The following EYS variants were observed in gnomAD, a reference collection of about 807,000 sequenced individuals.
EYS encodes protein eyes shut homolog.
Under a neutral mutation model 282.1 loss-of-function variants are expected in EYS, and 250 were observed. The observed-to-expected ratio is 0.89, with a 90% confidence interval of 0.80 to 0.98. EYS has a LOEUF of 0.98. EYS is among the 50% of genes least tolerant of loss of function. EYS has a pLI of 0.00. For synonymous variants in EYS, 1,355 were observed against 1,282.9 expected, an observed-to-expected ratio of 1.06 and a Z score of -1.20; for missense variants, 4,016 against 3,709.0, an observed-to-expected ratio of 1.08 and a Z score of -2.15.
intron 35 of EYS, among the ~76,000 whole-genome samples, chr6:63,983,180 T>G (rs779654135): frequency 1.2e-4 from 18 of 151,926 alleles, no homozygotes; most frequent in African/African-American, 1.9e-4. Context: ...ATTGTACTTA[T>G]GTTGAATAGG....
intron 2 of EYS, among the ~76,000 whole-genome samples, chr6:65,630,366 A>T (rs1766868059): frequency 6.6e-6 from 1 of 152,232 alleles, no homozygotes; most frequent in African/African-American, 2.4e-5. Context: ...CCGCCTGGGG[A>T]AACAGGAGAA....
In EYS at chr6:65,296,565, G is replaced by T. The variant is rs191795052; in HGVS notation, c.1767-446C>A. Among the ~76,000 whole-genome samples the T allele has an allele frequency of 3.3e-5, 5 of 151,690 alleles. No homozygotes were observed. The East Asian group carries it at 7.7e-4, about 23-fold the overall frequency. ...ATATATATAAGATTATTCAAACTCA[G>T]TTTGTCACTCAATGCAATTATTTAA... On this transcript the variant is annotated intron_variant, in intron 11 of 42. Transcript: ENST00000503581.
At chr6:65,685,976 C>T (rs529004883) in intron 1 of EYS, among the ~76,000 whole-genome samples, 27 of 152,112 alleles carry the variant, frequency 1.8e-4, no homozygotes, top group East Asian at 5.8e-4. Context: ...GACTGAAAAA[C>T]TTATTCCCCC....
chr6:64,847,451 T>C (rs1442314781), intron 19 of EYS, among the ~76,000 whole-genome samples: 2 of 152,106 alleles, frequency 1.3e-5, no homozygotes, highest in Non-Finnish European at 2.9e-5. Context: ...TAGTTAATAA[T>C]AATTATTTTA....
At chr6:64,343,150 G>T (rs1014725161) in intron 29 of EYS, among the ~76,000 whole-genome samples, 1 of 152,052 alleles carries the variant, frequency 6.6e-6, no homozygotes, top group Non-Finnish European at 1.5e-5. Flanking sequence ...AGATAAATGA[G>T]ACAGAAAGTT....
intron 41 of EYS, among the ~76,000 whole-genome samples, chr6:63,729,007 C>T (rs1226987268): frequency 1.3e-5 from 2 of 151,934 alleles, no homozygotes; most frequent in East Asian, 1.9e-4. Context: ...GATAAGTGTT[C>T]GGGTTTTAGC....
chr6:65,668,166 T>C (rs1768263910), intron 1 of EYS, among the ~76,000 whole-genome samples: 1 of 152,008 alleles, frequency 6.6e-6, no homozygotes, highest in South Asian at 2.1e-4. Context: ...TCTAATTAGG[T>C]GTTGTCTTTA....
intron 31 of EYS, among the ~76,000 whole-genome samples, chr6:64,183,388 A>T (rs1764845119): frequency 6.6e-6 from 1 of 152,184 alleles, no homozygotes; most frequent in African/African-American, 2.4e-5. Flanking sequence ...CAAGTAGTAG[A>T]GTGAACATTC....
At chr6:63,730,624 C>G (rs944936473) in intron 41 of EYS, among the ~76,000 whole-genome samples, 1 of 152,228 alleles carries the variant, frequency 6.6e-6, no homozygotes, top group African/African-American at 2.4e-5. Flanking sequence ...TTCAGATGCA[C>G]TGGCTTTTAC....
chr6:65,227,069 A>C (rs1054823458), intron 12 of EYS, among the ~76,000 whole-genome samples: 27 of 151,892 alleles, frequency 1.8e-4, no homozygotes, highest in Non-Finnish European at 3.2e-4. Context: ...TCCCATCTCT[A>C]CTAAATATAC....
At chr6:64,649,344 C>CT (rs11388058) in intron 22 of EYS, among the ~76,000 whole-genome samples, 90,967 of 149,100 alleles carry the variant, frequency 0.61, 27,714 homozygotes, top group South Asian at 0.69. Flanking sequence ...CTATAACTGC[C>CT]TTTTTTTTTT....
intron 30 of EYS, among the ~76,000 whole-genome samples, chr6:64,292,612 T>C (rs956238937): frequency 9.2e-5 from 14 of 152,110 alleles, no homozygotes; most frequent in African/African-American, 3.4e-4. Flanking sequence ...TATATATTTA[T>C]ATTTACATCT....
chr6:65,544,029 TGAGAGA>T (rs796845502), intron 2 of EYS, among the ~76,000 whole-genome samples: 5 of 131,940 alleles, frequency 3.8e-5, no homozygotes, highest in African/African-American at 1.5e-4. Context: ...TGTGTGTGTG[TGAGAGA>T]GAGAGAGACA....
At chr6:63,772,397 T>G (rs1769953548) in intron 40 of EYS, among the ~76,000 whole-genome samples, 1 of 152,174 alleles carries the variant, frequency 6.6e-6, no homozygotes, top group African/African-American at 2.4e-5. Context: ...CTGAAAATTC[T>G]AGTTCCTAAT....
chr6:64,768,485 T>C (rs1015918556), intron 22 of EYS, among the ~76,000 whole-genome samples: 1 of 152,174 alleles, frequency 6.6e-6, no homozygotes, highest in Non-Finnish European at 1.5e-5. Flanking sequence ...TTCTGAAAAG[T>C]CTATTACTTT....
chr6:65,282,597 AT>A (rs1768254726), intron 12 of EYS, among the ~76,000 whole-genome samples: 5 of 152,022 alleles, frequency 3.3e-5, no homozygotes. Context: ...AACTTGGAAA[AT>A]ATAGCCAATT....
intron 2 of EYS, among the ~76,000 whole-genome samples, chr6:65,531,017 T>C (rs1302826753): frequency 6.6e-6 from 1 of 152,198 alleles, no homozygotes; most frequent in East Asian, 1.9e-4. Flanking sequence ...AAGAATTTTC[T>C]GTATTTAGAT....
chr6:65,131,061 G>C (rs1365333916), intron 12 of EYS, among the ~76,000 whole-genome samples: 1 of 151,220 alleles, frequency 6.6e-6, no homozygotes, highest in Non-Finnish European at 1.5e-5. Flanking sequence ...TATATATTTG[G>C]AGTACAACAT....
chr6:63,871,850 G>A (rs111742296), intron 35 of EYS, among the ~76,000 whole-genome samples: 10 of 152,148 alleles, frequency 6.6e-5, no homozygotes, highest in African/African-American at 1.2e-4. Context: ...TAGCTCTGCC[G>A]TTCTTTCCTG....
Sources: allele counts gnomAD v4.1 joint callset (sites outside exome capture counted in the v4.1 genomes callset), GRCh38; gene constraint gnomAD v4.1.1; transcripts MANE v1.5; gene names NCBI Gene and HGNC (gene_info 2026-07-23, HGNC 2026-07-21).